The following HMGCL variants were observed in gnomAD, a reference collection of about 807,000 sequenced individuals.
The protein encoded by HMGCL is 3-hydroxy-3-methylglutaryl-CoA lyase.
A neutral mutation model predicts 37.3 loss-of-function variants in HMGCL; 26 were observed. That is an observed-to-expected ratio of 0.70 (90% CI 0.51 to 0.97). The LOEUF is 0.97. HMGCL is among the 50% of genes least tolerant of loss of function. The probability of loss-of-function intolerance (pLI) is 0.00; values close to 1 mark genes in which losing one functional copy is unlikely to be tolerated. For synonymous variants in HMGCL, 151 were observed against 148.0 expected (o/e 1.02, Z -0.15); for missense variants, 379 against 398.1 (o/e 0.95, Z 0.41).
chr1:23,803,792 C>A, intron 8 of HMGCL: 1 of 152,888 alleles, frequency 6.5e-6, no homozygotes, highest in Admixed American at 6.5e-5. Context: ...GATCTTTAAG[C>A]ACAGATGCTA....
intron 1 of HMGCL, among the ~76,000 whole-genome samples, chr1:23,824,157 C>T (rs545153624): frequency 1.3e-4 from 20 of 152,314 alleles, no homozygotes; most frequent in African/African-American, 4.3e-4. Flanking sequence ...TATGGTGTAC[C>T]TGCATCAACA....
chr1:23,810,770 T>C lies in HMGCL; in HGVS notation c.527A>G (p.Tyr176Cys). 1.9e-6 allele frequency: 3 copies of C among 1,613,820 alleles called. No individual in the cohort carries two copies. Among genetic ancestry groups the C allele is most frequent in the Non-Finnish European group, 2.5e-6 (3 of 1,179,842 alleles). Residue 176 changes from tyrosine (Y) to cysteine (C), a missense_variant, in exon 6 of 9, where the codon TAT (tyrosine) becomes TGT (cysteine). Transcript: ENST00000374490. ...GYVSCALGCP[Y>C]EGKISPAKVA... ...TTTAGCTGGGGAGATCTTCCCTTCA[T>C]AAGGGCAGCCAAGAGCACAGGAGAC...
chr1:23,805,037 C>G (rs931832768), intron 7 of HMGCL, among the ~76,000 whole-genome samples: 13 of 152,068 alleles, frequency 8.5e-5, no homozygotes, highest in African/African-American at 3.1e-4. Flanking sequence ...TCACCCCCTT[C>G]CCCATCCTCA....
At chr1:23,805,752 G>C (rs1638397536) in intron 7 of HMGCL, among the ~76,000 whole-genome samples, 2 of 151,986 alleles carry the variant, frequency 1.3e-5, no homozygotes, top group Non-Finnish European at 2.9e-5. Flanking sequence ...CTCACTCCCA[G>C]TTAACTGCAC....
chr1:23,808,343 C>T lies in HMGCL; in HGVS notation c.562-20G>A, dbSNP rs781149246. 2 of 1,609,944 alleles carry T rather than the reference C, an allele frequency of 1.2e-6. No individual in the cohort carries two copies. Among genetic ancestry groups the T allele is most frequent in the Non-Finnish European group, 1.7e-6 (2 of 1,176,394 alleles). On this transcript the variant is annotated intron_variant, in intron 6 of 8. Transcript: ENST00000374490. The stretch of plus-strand genomic sequence containing the variant: ...GGTGACCTAAGGAAGCAAGCAGGCA[C>T]TTGGAGGATACAGAATCCACCAGCC...
At chr1:23,815,664 T>G (rs1206367692) in intron 4 of HMGCL, among the ~76,000 whole-genome samples, 1 of 151,620 alleles carries the variant, frequency 6.6e-6, no homozygotes, top group African/African-American at 2.4e-5. Flanking sequence ...CCTGGCTAAT[T>G]TTTTGTATTT....
At position 23,808,211 on chromosome 1, in the gene HMGCL, A is replaced by T; in HGVS notation, c.674T>A (p.Val225Glu). 6.2e-7 allele frequency: 1 copy of T among 1,614,016 alleles called. No individual in the cohort carries two copies. The highest frequency in any genetic ancestry group is 8.5e-7 in the Non-Finnish European group (1 of 1,179,952). The change falls in exon 7 of 9, where the codon GTG becomes GAG. Residue 225 changes from valine to glutamate, a missense_variant. By Grantham distance (121) the Val-to-Glu change is moderately radical. Transcript: ENST00000374490. ...GTGGACAGCCAGGGCAGCCAGAGGC[A>T]CTTCCTGCATGACAGCAGATAGCAT... ...KDMLSAVMQE[V>E]PLAALAVHCH...
Position 23,814,294 on chromosome 1 carries a change from T to C in HMGCL, c.393A>G (p.Ser131=), listed in dbSNP as rs56218308. 779 of 1,614,072 alleles carry C rather than the reference T, an allele frequency of 4.8e-4. 4 individuals carry two copies. In the African/African-American group the frequency reaches 8.7e-3, roughly 18 times the overall value. ...TGATGTTCTTCTTGGTGAAGAGCTC[T>C]GAGGCAGCTCCAAAGATGACTACTT... is the stretch of plus-strand genomic sequence containing the variant. The part of the protein sequence containing the change: ...AKEVVIFGAA[S]ELFTKKNINC... Residue 131 remains serine, a synonymous_variant, in exon 5 of 9, where the codon TCA becomes TCG. Coordinates refer to ENST00000374490, the MANE Select transcript of HMGCL (RefSeq NM_000191.3).
Position 23,802,563 on chromosome 1 carries a change from C to T in HMGCL, c.878G>A (p.Gly293Asp), listed in dbSNP as rs1348862182. The T allele has an allele frequency of 1.9e-6, 3 of 1,608,664 alleles. No homozygotes were observed. The highest frequency in any genetic ancestry group is 1.3e-5 in the African/African-American group (1 of 74,822). The change falls in exon 9 of 9, where the codon GGT (glycine) becomes GAT (aspartate). Residue 293 changes from glycine to aspartate, a missense_variant and splice_region_variant. Gly to Asp is a moderately conservative substitution (Grantham distance 94, BLOSUM62 -1). Coordinates refer to ENST00000374490, the MANE Select transcript of HMGCL (RefSeq NM_000191.3). ...TTCCAGAAGCTTCTGGAGATTCACA[C>T]CCTTTGAGAAACAAGTTAGAGGATG... ...YMLEGLGIHT[G>D]VNLQKLLEAG...
intron 7 of HMGCL, chr1:23,807,392 T>A: frequency 2.7e-6 from 1 of 371,634 alleles, no homozygotes. Context: ...GACACGAACC[T>A]CTAGGGGATA....
At chr1:23,808,470 A>G in intron 6 of HMGCL, 147 bp from the exon 7 acceptor site, 1 of 736,704 alleles carries the variant, frequency 1.4e-6, no homozygotes, top group South Asian at 1.4e-5. Flanking sequence ...TCACCACTCC[A>G]ACTGGGAATG....
rs1251022689 is a variant in HMGCL at position 23,817,568 on chromosome 1, G to A, written c.160C>T (p.Pro54Ser). ...ATGTCTATCAGCTTGATTTTCACTG[G>A]AGTAGATACGATATTCTATAGTGGA... ...LQNEKNIVST[P>S]VKIKLIDMLS... Residue 54 changes from proline (P) to serine (S), a missense_variant, in exon 3 of 9, where the codon CCA becomes TCA. By Grantham distance (74) the Pro-to-Ser change is moderately conservative. Transcript: ENST00000374490. 1.9e-6 allele frequency: 3 copies of A among 1,606,068 alleles called. No homozygotes were observed. In the African/African-American group the frequency reaches 4.0e-5, roughly 21 times the overall value.
rs529900934 is a variant in HMGCL at position 23,805,146 on chromosome 1, A to C, written c.751-621T>G. Among the ~76,000 whole-genome samples, 92 of 151,992 alleles carry C rather than the reference A, an allele frequency of 6.1e-4. 1 individual carries two copies. Among genetic ancestry groups the C allele is most frequent in the African/African-American group, 2.2e-3 (91 of 41,436 alleles). ...CACCTGCCTACATCTGGGCCTACAG[A>C]CCCACTGTCCCTCATGCTGCCTGAG... On this transcript the variant is annotated intron_variant, in intron 7 of 8. Coordinates refer to ENST00000374490, the MANE Select transcript of HMGCL (RefSeq NM_000191.3).
chr1:23,806,674 G>A lies in HMGCL; in HGVS notation c.750+1461C>T. On this transcript the variant is annotated intron_variant, in intron 7 of 8. Coordinates refer to ENST00000374490, the MANE Select transcript of HMGCL (RefSeq NM_000191.3). This position sits in a 1 kb window ranked among gnomAD's most constrained non-coding sequence, Gnocchi z 4.0. The stretch of plus-strand genomic sequence containing the variant: ...AGTGTTTATGAACACCTGGCCTGCT[G>A]TATGTTTGTTTATTTATTATCTGTC... 2 of 317,084 alleles carry A rather than the reference G, an allele frequency of 6.3e-6. No individual in the cohort carries two copies. Among genetic ancestry groups the A allele is most frequent in the Admixed American group, 4.3e-5 (1 of 23,480 alleles). The allele number at this position is 317,084 out of a possible 1,614,324, so 19.6% of individuals were successfully genotyped here. A position where few individuals can be genotyped will look rare whatever the true frequency, so the allele number is the denominator to read the frequency against.
At chr1:23,813,952 G>T in intron 5 of HMGCL, 1 of 547,168 alleles carries the variant, frequency 1.8e-6, no homozygotes, top group Middle Eastern at 5.1e-4. Context: ...AAGTTGCTAG[G>T]ACTACAGGCG....
chr1:23,803,276 A>T (rs950688391), intron 8 of HMGCL, among the ~76,000 whole-genome samples: 1 of 151,662 alleles, frequency 6.6e-6, no homozygotes, highest in Non-Finnish European at 1.5e-5. Context: ...ATCTTGGCTC[A>T]CTGCAACCTC....
chr1:23,818,443 T>C (rs1638654395), intron 2 of HMGCL, among the ~76,000 whole-genome samples: 1 of 152,118 alleles, frequency 6.6e-6, no homozygotes, highest in South Asian at 2.1e-4. Flanking sequence ...AGCAAGACCC[T>C]GTCTCAAACA....
intron 1 of HMGCL, among the ~76,000 whole-genome samples, chr1:23,822,015 T>C (rs1638731386): frequency 6.6e-6 from 1 of 152,206 alleles, no homozygotes; most frequent in African/African-American, 2.4e-5. Flanking sequence ...GAATGCCTAC[T>C]CAATGTCTCT....
At chr1:23,814,037 G>T in intron 5 of HMGCL, 153 bp downstream of exon 5, 1 of 833,756 alleles carries the variant, frequency 1.2e-6, no homozygotes, top group Non-Finnish European at 2.0e-6. Flanking sequence ...GATTTCTTCT[G>T]ACCACACTTA....
Sources: gnomAD v4.1 joint callset for allele counts (sites outside exome capture counted in the v4.1 genomes callset) on GRCh38, gnomAD v4.1.1 for gene constraint, Gnocchi (gnomAD v3.1) non-coding constraint, MANE v1.5 for transcripts, NCBI Gene and HGNC (gene_info 2026-07-23, HGNC 2026-07-21) for gene names.